SIPA1L1: variants seen among roughly 807,000 people sequenced by gnomAD.
The protein encoded by SIPA1L1 is signal induced proliferation associated 1 like 1.
In SIPA1L1, 26 loss-of-function variants were observed where a neutral mutation model predicts 162.7. The ratio of observed to expected loss-of-function variants is 0.16; its 90% CI spans 0.12 to 0.22. The LOEUF (loss-of-function observed/expected upper bound fraction) is 0.22. Among genes scored for constraint, SIPA1L1 ranks in the 10% least tolerant of loss-of-function variants. The pLI is 1.00. For synonymous variants in SIPA1L1, 829 were observed against 837.4 expected (o/e 0.99, Z 0.17); for missense variants, 1,874 against 2,241.0 (o/e 0.84, Z 3.31).
chr14:71,392,923 A>G (rs1302165494), intron 2 of SIPA1L1, among the ~76,000 whole-genome samples: 1 of 152,258 alleles, frequency 6.6e-6, no homozygotes, highest in Non-Finnish European at 1.5e-5. Flanking sequence ...CTCTCAATAA[A>G]TGGCCCATTC....
chr14:71,653,153 A>G (rs532295875), intron 8 of SIPA1L1, among the ~76,000 whole-genome samples: 63 of 152,276 alleles, frequency 4.1e-4, no homozygotes, highest in Middle Eastern at 6.8e-3. Context: ...GCATACCTAG[A>G]GTAGCTTTTA....
chr14:71,520,217 T>C (rs1364285326), intron 3 of SIPA1L1, among the ~76,000 whole-genome samples: 1 of 152,138 alleles, frequency 6.6e-6, no homozygotes, highest in African/African-American at 2.4e-5. Flanking sequence ...TACTTACTAA[T>C]TACAAAGGGG....
intron 2 of SIPA1L1, among the ~76,000 whole-genome samples, chr14:71,411,216 A>G (rs2042381034): frequency 6.6e-6 from 1 of 151,954 alleles, no homozygotes; most frequent in Non-Finnish European, 1.5e-5. Flanking sequence ...GGAACTGAAT[A>G]TATTTTGCTG....
At chr14:71,446,656 T>G (rs942520698) in intron 2 of SIPA1L1, among the ~76,000 whole-genome samples, 7 of 152,132 alleles carry the variant, frequency 4.6e-5, no homozygotes, top group African/African-American at 1.7e-4. Flanking sequence ...CAGTGTTTTT[T>G]TGTGTGTGTG....
intron 5 of SIPA1L1, among the ~76,000 whole-genome samples, chr14:71,598,672 T>A (rs1448562196): frequency 1.3e-5 from 2 of 152,166 alleles, no homozygotes; most frequent in Non-Finnish European, 2.9e-5. Flanking sequence ...ATTGGGGGGA[T>A]TGCACATAGT....
intron 5 of SIPA1L1, among the ~76,000 whole-genome samples, chr14:71,595,909 G>A (rs577158420): frequency 1.3e-5 from 2 of 152,216 alleles, no homozygotes; most frequent in African/African-American, 4.8e-5. Flanking sequence ...TAACTTCAGG[G>A]CCTCATGCTT....
intron 2 of SIPA1L1, among the ~76,000 whole-genome samples, chr14:71,362,026 G>C (rs1024992846): frequency 6.6e-6 from 1 of 152,170 alleles, no homozygotes; most frequent in Non-Finnish European, 1.5e-5. Context: ...CTCCATTCTG[G>C]TGGAGTCACA....
chr14:71,700,640 C>G (rs2082011773), intron 14 of SIPA1L1, among the ~76,000 whole-genome samples: 1 of 151,940 alleles, frequency 6.6e-6, no homozygotes, highest in Admixed American at 6.6e-5. Context: ...CTTAGTGAGC[C>G]TTGTGATGGG....
At chr14:71,562,219 GA>G (rs545292319) in intron 4 of SIPA1L1, among the ~76,000 whole-genome samples, 1 of 151,196 alleles carries the variant, frequency 6.6e-6, no homozygotes, top group Non-Finnish European at 1.5e-5. Context: ...TATGACATCA[GA>G]AAAAAAATGA....
chr14:71,521,651 T>TA (rs373848672), intron 3 of SIPA1L1, among the ~76,000 whole-genome samples: 1 of 152,360 alleles, frequency 6.6e-6, no homozygotes, highest in African/African-American at 2.4e-5. Flanking sequence ...TTGCTACAAA[T>TA]ATGTGTCCAT....
At chr14:71,479,013 G>T (rs2048107417) in intron 2 of SIPA1L1, among the ~76,000 whole-genome samples, 1 of 152,016 alleles carries the variant, frequency 6.6e-6, no homozygotes, top group African/African-American at 2.4e-5. Context: ...CCAGGTTTAG[G>T]AATTCCCTTT....
At chr14:71,734,252 C>T (rs546365224) in intron 21 of SIPA1L1, among the ~76,000 whole-genome samples, 12 of 152,362 alleles carry the variant, frequency 7.9e-5, no homozygotes, top group African/African-American at 2.4e-4. Flanking sequence ...TGCGCGGTAG[C>T]GCGTTGTCTG....
chr14:71,616,864 T>C (rs2038900039), intron 5 of SIPA1L1, among the ~76,000 whole-genome samples: 1 of 152,156 alleles, frequency 6.6e-6, no homozygotes, highest in African/African-American at 2.4e-5. Context: ...GATGAATTTA[T>C]AGTGGCCCTA....
At chr14:71,438,308 C>G (rs530345979) in intron 2 of SIPA1L1, among the ~76,000 whole-genome samples, 2 of 152,194 alleles carry the variant, frequency 1.3e-5, no homozygotes, top group East Asian at 3.9e-4. Flanking sequence ...CCATAATGAG[C>G]CTTGGCCCCC....
intron 2 of SIPA1L1, among the ~76,000 whole-genome samples, chr14:71,350,093 A>G (rs2036545419): frequency 1.3e-5 from 2 of 152,142 alleles, no homozygotes; most frequent in Admixed American, 6.5e-5. Flanking sequence ...AAAACTTTTT[A>G]GAAGTGGGAG....
chr14:71,546,865 G>T (rs773696980), intron 4 of SIPA1L1, among the ~76,000 whole-genome samples: 1 of 152,170 alleles, frequency 6.6e-6, no homozygotes, highest in Non-Finnish European at 1.5e-5. Context: ...GTGAGGGTCA[G>T]TGAAAAGGCC....
At chr14:71,425,936 A>G (rs1478791468) in intron 2 of SIPA1L1, among the ~76,000 whole-genome samples, 1 of 152,184 alleles carries the variant, frequency 6.6e-6, no homozygotes, top group Non-Finnish European at 1.5e-5. Context: ...TTGTTACTAT[A>G]TAATGTCCTT....
intron 7 of SIPA1L1, among the ~76,000 whole-genome samples, chr14:71,629,555 T>A (rs1441325823): frequency 6.6e-6 from 1 of 152,206 alleles, no homozygotes; most frequent in Non-Finnish European, 1.5e-5. Context: ...TGTAATATGT[T>A]AAACCCAAAT....
chr14:71,619,037 C>T (rs142427174), intron 6 of SIPA1L1, 150 bp downstream of exon 6: 83 of 767,872 alleles, frequency 1.1e-4, no homozygotes, highest in African/African-American at 9.2e-4. Flanking sequence ...TGGTGGAGAT[C>T]GAGGTGGACA....
Sources: allele counts gnomAD v4.1 joint callset (sites outside exome capture counted in the v4.1 genomes callset), GRCh38; gene constraint gnomAD v4.1.1; transcripts MANE v1.5; gene names NCBI Gene and HGNC (gene_info 2026-07-23, HGNC 2026-07-21).